DARS1: variants seen among roughly 807,000 people sequenced by gnomAD.
DARS1 encodes aspartate--tRNA ligase, cytoplasmic.
A neutral mutation model predicts 68.8 loss-of-function variants in DARS1; 51 were observed. That is an observed-to-expected ratio of 0.74 (90% CI 0.59 to 0.94). The LOEUF is 0.94. Among genes scored for constraint, DARS1 ranks in the 40% least tolerant of loss-of-function variants. The pLI, the probability that DARS1 is intolerant of heterozygous loss-of-function variation, is 0.00. For missense variants in DARS1, 607 were observed against 597.3 expected, an observed-to-expected ratio of 1.02 and a Z score of -0.17; for synonymous variants, 203 against 190.4, an observed-to-expected ratio of 1.07 and a Z score of -0.55.
At position 135,944,276 on chromosome 2, in the gene DARS1, TTG is replaced by T. The variant is rs530211870; in HGVS notation, c.321-798_321-797del. 1.2e-4 allele frequency among the ~76,000 whole-genome samples: 19 copies of T among 152,348 alleles called. No individual in the cohort carries two copies. The East Asian group carries it at 3.5e-3, about 28-fold the overall frequency. The stretch of plus-strand genomic sequence containing the variant: ...CATACAAAATGTACCAGTTTTACTT[TTG>T]TGTATATTCTTGTACTGACAAAGTA... On this transcript the variant is annotated intron_variant, in intron 4 of 15. Transcript: ENST00000264161.
At chr2:135,967,376 AT>A (rs1224990008) in intron 3 of DARS1, among the ~76,000 whole-genome samples, 1 of 152,196 alleles carries the variant, frequency 6.6e-6, no homozygotes, top group East Asian at 1.9e-4. Context: ...TGAAATAATT[AT>A]TTTGTGCCAG....
intron 3 of DARS1, among the ~76,000 whole-genome samples, chr2:135,965,069 A>C (rs368618074): frequency 6.6e-6 from 1 of 152,228 alleles, no homozygotes; most frequent in Admixed American, 6.5e-5. Flanking sequence ...TCAATAGAAC[A>C]TAAGAAAAAA....
At chr2:135,966,225 G>T (rs1682233156) in intron 3 of DARS1, among the ~76,000 whole-genome samples, 1 of 151,838 alleles carries the variant, frequency 6.6e-6, no homozygotes, top group Admixed American at 6.6e-5. Context: ...ATTTTGCAGG[G>T]AAGAGACTGT....
At chr2:135,972,802 G>A (rs1682404424) in intron 3 of DARS1, among the ~76,000 whole-genome samples, 1 of 152,104 alleles carries the variant, frequency 6.6e-6, no homozygotes, top group Admixed American at 6.5e-5. Flanking sequence ...ACATACAAAT[G>A]GCAAAAAGGC....
At position 135,907,260 on chromosome 2, in the gene DARS1, T is replaced by TTTTTTTTTTTTTG; in HGVS notation, c.*55_*56insCAAAAAAAAAAAA. 1.0e-6 allele frequency: 1 copy of TTTTTTTTTTTTTG among 965,502 alleles called. No homozygotes were observed. The highest frequency in any genetic ancestry group is 1.5e-6 in the Non-Finnish European group (1 of 664,452). The allele number at this position is 965,502 out of a possible 1,614,324, so 59.8% of individuals were successfully genotyped here. On this transcript the variant is annotated 3_prime_UTR_variant, in exon 16 of 16. Transcript: ENST00000264161. ...TGGCTTTCTTTTTTTTTTTTTTTTT[T>TTTTTTTTTTTTTG]TGAGGCAGGGTCTCGCTCTGTCATC...
intron 3 of DARS1, among the ~76,000 whole-genome samples, chr2:135,972,227 AAC>A (rs1682386745): frequency 6.6e-6 from 1 of 152,206 alleles, no homozygotes; most frequent in Non-Finnish European, 1.5e-5. Flanking sequence ...CTGGCATAAA[AAC>A]AGACACACAG....
chr2:135,976,511 A>G (rs1277378920), intron 3 of DARS1, among the ~76,000 whole-genome samples: 1 of 152,176 alleles, frequency 6.6e-6, no homozygotes, highest in Non-Finnish European at 1.5e-5. Flanking sequence ...CACCATGATT[A>G]GCTCATATCA....
chr2:135,933,874 A>G, intron 6 of DARS1, 36 bp downstream of exon 6: 1 of 1,595,684 alleles, frequency 6.3e-7, no homozygotes, highest in Non-Finnish European at 8.6e-7. Flanking sequence ...CTAAATATAC[A>G]GCGGAAGCAT....
In DARS1 at chr2:135,933,819, A is replaced by G. The variant is rs1681405357; in HGVS notation, c.504+91T>C. 40 of 1,398,388 alleles carry G rather than the reference A, an allele frequency of 2.9e-5. 1 individual carries two copies. In the South Asian group the frequency reaches 7.1e-4, roughly 25 times the overall value. 86.6% of individuals were successfully genotyped at this position (1,398,388 alleles called of 1,614,324 possible). A position where few individuals can be genotyped will look rare whatever the true frequency, so the allele number is the denominator to read the frequency against. Reference sequence around the variant, plus strand: ...TAAATAACAATGGAGCTCAAAATCAATTCACAGACACCCTTAGTACATCAG... The same window carrying G: ...TAAATAACAATGGAGCTCAAAATCAGTTCACAGACACCCTTAGTACATCAG... On this transcript the variant is annotated intron_variant, in intron 6 of 15. Coordinates refer to ENST00000264161, the MANE Select transcript of DARS1 (RefSeq NM_001349.4).
intron 10 of DARS1, among the ~76,000 whole-genome samples, chr2:135,919,140 C>T (rs574485224): frequency 6.6e-6 from 1 of 152,290 alleles, no homozygotes; most frequent in East Asian, 1.9e-4. Context: ...AAGTGATTCC[C>T]CTGCCTCAGC....
chr2:135,911,288 T>A, intron 14 of DARS1, 78 bp from the exon 15 acceptor site: 1 of 865,422 alleles, frequency 1.2e-6, no homozygotes, highest in South Asian at 1.4e-5. Flanking sequence ...TACTGTTCAA[T>A]GGAGATTTTT....
chr2:135,908,422 T>G (rs1680831472), intron 15 of DARS1, among the ~76,000 whole-genome samples: 1 of 152,212 alleles, frequency 6.6e-6, no homozygotes, highest in Admixed American at 6.5e-5. Context: ...ATCATGTTTA[T>G]ATCCAAAGGA....
chr2:135,947,823 GA>G (rs758373832), intron 4 of DARS1, among the ~76,000 whole-genome samples: 2,261 of 131,444 alleles, frequency 0.017, 37 homozygotes, highest in African/African-American at 0.05. Context: ...TAGTTTCTGT[GA>G]AAAAAAAAAA....
Position 135,920,493 on chromosome 2 carries a change from C to G in DARS1, c.919G>C (p.Ala307Pro). ...TTGAATATTTGTACCATGGTGTCAGCAATTTCTTCCATAACTTCGTGGTAA... is the reference window on the plus strand; with the variant it reads ...TTGAATATTTGTACCATGGTGTCAGGAATTTCTTCCATAACTTCGTGGTAA... ...YHYHEVMEEIADTMVQIFKGL... is the reference protein window; with the variant it reads ...YHYHEVMEEIPDTMVQIFKGL... The change falls in exon 10 of 16, where the codon GCT becomes CCT. Residue 307 changes from alanine to proline, a missense_variant. Transcript: ENST00000264161. 6.2e-7 allele frequency: 1 copy of G among 1,613,566 alleles called. No individual in the cohort carries two copies. The highest frequency in any genetic ancestry group is 8.5e-7 in the Non-Finnish European group (1 of 1,179,800).
intron 3 of DARS1, among the ~76,000 whole-genome samples, chr2:135,976,621 A>C (rs1682504840): frequency 6.6e-6 from 1 of 152,124 alleles, no homozygotes; most frequent in Non-Finnish European, 1.5e-5. Context: ...GGAAAAAAAA[A>C]CACTAGCAGA....
intron 15 of DARS1, 89 bp downstream of exon 15, chr2:135,911,050 C>T (rs573403535): frequency 4.6e-4 from 297 of 648,680 alleles, no homozygotes; most frequent in Admixed American, 7.5e-4. Context: ...TCACTTATGT[C>T]GTAATTCACT....
At chr2:135,972,129 G>A (rs1002200537) in intron 3 of DARS1, among the ~76,000 whole-genome samples, 3 of 152,034 alleles carry the variant, frequency 2.0e-5, no homozygotes, top group Admixed American at 1.3e-4. Flanking sequence ...CCAAAGCTAT[G>A]CTGAGCAAAA....
Position 135,912,501 on chromosome 2 carries a change from A to G in DARS1, c.1215T>C (p.Pro405=). The G allele has an allele frequency of 9.1e-7, 1 of 1,100,314 alleles. No homozygotes were observed. Among genetic ancestry groups the G allele is most frequent in the Non-Finnish European group, 1.4e-6 (1 of 728,790 alleles). The allele number at this position is 1,100,314 out of a possible 1,614,324, so 68.2% of individuals were successfully genotyped here. ...PLAVRPFYTM[P]DPRNPKQSNS... is the part of the protein sequence containing the mutation. ...AATTACTTACGGGATTTCTTGGGTC[A>G]GGCATGGTATAGAAAGGTCTTACAG... The change falls in exon 13 of 16, where the codon CCT becomes CCC. Residue 405 remains proline, a synonymous_variant. Transcript: ENST00000264161.
intron 5 of DARS1, 139 bp downstream of exon 5, chr2:135,943,239 C>A: frequency 2.4e-6 from 3 of 1,237,158 alleles, no homozygotes; most frequent in African/African-American, 1.5e-5. Flanking sequence ...TGTTATATAA[C>A]AAAAGCTAAT....
Sources: allele counts gnomAD v4.1 joint callset (sites outside exome capture counted in the v4.1 genomes callset), GRCh38; gene constraint gnomAD v4.1.1; transcripts MANE v1.5; gene names NCBI Gene and HGNC (gene_info 2026-07-23, HGNC 2026-07-21).